The following SGSM2 variants were observed in gnomAD, a reference collection of about 807,000 sequenced individuals.
The protein encoded by SGSM2 is RUN and TBC1 domain containing 1.
Under a neutral mutation model 126.6 loss-of-function variants are expected in SGSM2, and 89 were observed. The ratio of observed to expected loss-of-function variants is 0.70; its 90% confidence interval spans 0.59 to 0.84. The LOEUF is 0.84. Among genes scored for constraint, SGSM2 ranks in the 40% least tolerant of loss-of-function variants. The probability of loss-of-function intolerance (pLI) is 0.00; values close to 1 mark genes in which losing one functional copy is unlikely to be tolerated. For missense variants in SGSM2, 1,404 were observed against 1,416.6 expected, an observed-to-expected ratio of 0.99 and a Z score of 0.14; for synonymous variants, 614 against 574.3, an observed-to-expected ratio of 1.07 and a Z score of -0.99.
At chr17:2,370,525 G>A (rs1051693122) in intron 12 of SGSM2, among the ~76,000 whole-genome samples, 9 of 152,264 alleles carry the variant, frequency 5.9e-5, no homozygotes, top group Admixed American at 1.3e-4. Context: ...TCCCGGCCCC[G>A]CAGTGGCCTC....
rs528873250 is a variant in SGSM2, at chr17:2,345,950, T to C, written c.133+2330T>C. Among the ~76,000 whole-genome samples, 11 of 152,214 alleles carry C rather than the reference T, an allele frequency of 7.2e-5. No homozygotes were observed. In the South Asian group the frequency reaches 2.1e-3, roughly 29 times the overall value. On this transcript the variant is annotated intron_variant, in intron 2 of 23. Transcript: ENST00000268989. ...AAAGCAGCTTCCTTGCATTGCATGGTGGAATCACGAGAGACTCTTGCGGGG... is the reference window on the plus strand; with the variant it reads ...AAAGCAGCTTCCTTGCATTGCATGGCGGAATCACGAGAGACTCTTGCGGGG...
intron 11 of SGSM2, 23 bp downstream of exon 11, chr17:2,365,364 CG>C: frequency 1.3e-6 from 2 of 1,517,808 alleles, no homozygotes; most frequent in Admixed American, 2.1e-5. Flanking sequence ...AGCTTCATCC[CG>C]GGGGAGGAGA....
At chr17:2,343,822 A>AT (rs2151479205) in intron 2 of SGSM2, among the ~76,000 whole-genome samples, 1 of 152,194 alleles carries the variant, frequency 6.6e-6, no homozygotes, top group Non-Finnish European at 1.5e-5. Context: ...GAATCTGCGT[A>AT]TTTTTTGTTC....
Position 2,380,409 on chromosome 17 carries a change from C to T in SGSM2, c.*889C>T. 9.2e-7 allele frequency: 1 copy of T among 1,086,776 alleles called. No individual in the cohort carries two copies. Among genetic ancestry groups the T allele is most frequent in the Non-Finnish European group, 1.4e-6 (1 of 740,052 alleles). 67.3% of individuals were successfully genotyped at this position (1,086,776 alleles called of 1,614,324 possible). On this transcript the variant is annotated 3_prime_UTR_variant, in exon 24 of 24. Transcript: ENST00000268989. ...ACAGCCTCCCCTCAGAGACAGGCCT[C>T]AGTTCGAGGGCAGCCCATTATCTGT...
In SGSM2 at chr17:2,363,796, G is replaced by C; in HGVS notation, c.807+197G>C. On this transcript the variant is annotated intron_variant, in intron 7 of 23. Coordinates refer to ENST00000268989, the MANE Select transcript of SGSM2 (RefSeq NM_014853.3). This position sits in a 1 kb window ranked among gnomAD's most constrained non-coding sequence, Gnocchi z 4.2. The stretch of plus-strand genomic sequence containing the variant: ...CAGGGGACAGGAATGGCAGCCAGCA[G>C]GCGAGGGGAGTCCGCAGTGTGGGTA... The C allele has an allele frequency of 6.7e-6, 6 of 892,098 alleles. No homozygotes were observed. In the South Asian group the frequency reaches 1.0e-4, roughly 16 times the overall value. The allele number at this position is 892,098 out of a possible 1,614,324, so 55.3% of individuals were successfully genotyped here. A position where few individuals can be genotyped will look rare whatever the true frequency, so the allele number is the denominator to read the frequency against.
intron 21 of SGSM2, chr17:2,377,498 A>AAACGAAAAAAAAGAAAAAAAAAAAAC (rs1597398429): frequency 5.8e-5 from 11 of 188,080 alleles, no homozygotes; most frequent in South Asian, 2.2e-4. Flanking sequence ...AAAAAAAAAA[A>AAACGAAAAAAAAGAAAAAAAAAAAAC]AACCATGGTT....
At chr17:2,361,976 C>A in intron 3 of SGSM2, 133 bp from the exon 4 acceptor site, 1 of 1,329,998 alleles carries the variant, frequency 7.5e-7, no homozygotes, top group Non-Finnish European at 1.0e-6. Context: ...GGCTCTGTAC[C>A]CCTCCTTCAC....
rs1346208652 is a variant in SGSM2 at position 2,362,399 on chromosome 17, G to C, written c.458+129G>C. 1 of 1,040,732 alleles carries C rather than the reference G, an allele frequency of 9.6e-7. No individual in the cohort carries two copies. Among genetic ancestry groups the C allele is most frequent in the South Asian group, 1.6e-5 (1 of 61,094 alleles). 64.5% of individuals were successfully genotyped at this position (1,040,732 alleles called of 1,614,324 possible). On this transcript the variant is annotated intron_variant, in intron 4 of 23. Coordinates refer to ENST00000268989, the MANE Select transcript of SGSM2 (RefSeq NM_014853.3). The surrounding 1 kb of genome is among the most constrained non-coding windows in gnomAD (Gnocchi z 4.9). ...CCCAAAAACTGCAGGTGACCGCCCC[G>C]TTCCCCCCAAAACTGCAGGTGACCG...
rs1330716740 is a variant in SGSM2 at position 2,373,029 on chromosome 17, C to T, written c.1865C>T (p.Pro622Leu). The T allele has an allele frequency of 6.2e-7, 1 of 1,606,480 alleles. No individual in the cohort carries two copies. Among genetic ancestry groups the T allele is most frequent in the African/African-American group, 1.3e-5 (1 of 74,592 alleles). ...CACGAGATCCGCAAGGACGTCTGGC[C>T]CTTTCTGCTTGGCCACTACAAGTTC... ...IEHEIRKDVW[P>L]FLLGHYKFGM... The change falls in exon 16 of 24, where the codon CCC becomes CTC. Residue 622 changes from proline to leucine, a missense_variant. Physicochemically the swap from Pro to Leu is moderately conservative, Grantham distance 98. Coordinates refer to ENST00000268989, the MANE Select transcript of SGSM2 (RefSeq NM_014853.3).
rs1043770615 is a variant in SGSM2, at chr17:2,337,588, C to A, written c.-101C>A. On this transcript the variant is annotated 5_prime_UTR_variant, in exon 1 of 24. Transcript: ENST00000268989. The surrounding 1 kb of genome is among the most constrained non-coding windows in gnomAD (Gnocchi z 5.1). ...GGCGGCGGGCCGGGAGCGCGGCGGGCGGGGGCTCCGCCTTGCGCGTGGGGC... is the reference window on the plus strand; with the variant it reads ...GGCGGCGGGCCGGGAGCGCGGCGGGAGGGGGCTCCGCCTTGCGCGTGGGGC... The A allele has an allele frequency of 9.3e-6, 7 of 756,658 alleles. No homozygotes were observed. The highest frequency in any genetic ancestry group is 3.8e-5 in the African/African-American group (2 of 52,272). The allele number at this position is 756,658 out of a possible 1,614,324, so 46.9% of individuals were successfully genotyped here. A position where few individuals can be genotyped will look rare whatever the true frequency, so the allele number is the denominator to read the frequency against.
At chr17:2,364,305 G>A in intron 8 of SGSM2, 122 bp downstream of exon 8, 1 of 1,283,464 alleles carries the variant, frequency 7.8e-7, no homozygotes, top group Non-Finnish European at 1.1e-6. Context: ...TGGACGCCAA[G>A]AATAGCAGGG....
intron 2 of SGSM2, among the ~76,000 whole-genome samples, chr17:2,354,979 T>G (rs1597336606): frequency 2.8e-5 from 2 of 70,652 alleles, no homozygotes; most frequent in Admixed American, 1.4e-4. Flanking sequence ...GGAATCGGGG[T>G]GTAAGGGTTG....
rs147158590 is a variant in SGSM2 at position 2,370,866 on chromosome 17, G to A, written c.1424-396G>A. Reference sequence around the variant, plus strand: ...CATCTCAGAGTTTGCCAAGAGGACCGAGCTGAATCCGTGAAGGCTGAGCTA... The same window carrying A: ...CATCTCAGAGTTTGCCAAGAGGACCAAGCTGAATCCGTGAAGGCTGAGCTA... On this transcript the variant is annotated intron_variant, in intron 12 of 23. Transcript: ENST00000268989. 4.7e-3 allele frequency among the ~76,000 whole-genome samples: 720 copies of A among 152,324 alleles called. 4 individuals carry two copies. The highest frequency in any genetic ancestry group is 7.8e-3 in the Non-Finnish European group (534 of 68,028).
Position 2,380,616 on chromosome 17 carries a change from T to C in SGSM2, c.*1096T>C. 2.3e-6 allele frequency: 1 copy of C among 434,056 alleles called. No homozygotes were observed. The highest frequency in any genetic ancestry group is 2.3e-5 in the South Asian group (1 of 43,564). 26.9% of individuals were successfully genotyped at this position (434,056 alleles called of 1,614,324 possible). On this transcript the variant is annotated 3_prime_UTR_variant, in exon 24 of 24. Coordinates refer to ENST00000268989, the MANE Select transcript of SGSM2 (RefSeq NM_014853.3). Reference sequence around the variant, plus strand: ...GTATGCGGGGGTGCCAGGAAGGGCATAGCTCCTGCCCCCAGGCCTAGGCAT... The same window carrying C: ...GTATGCGGGGGTGCCAGGAAGGGCACAGCTCCTGCCCCCAGGCCTAGGCAT...
intron 13 of SGSM2, 31 bp downstream of exon 13, chr17:2,371,446 C>T (rs769547980): frequency 2.4e-5 from 37 of 1,560,392 alleles, no homozygotes; most frequent in South Asian, 1.3e-4. Flanking sequence ...CCCAGCTTCC[C>T]GTTAGCGTGT....
At chr17:2,339,092 A>G (rs914728991) in intron 1 of SGSM2, among the ~76,000 whole-genome samples, 1 of 151,286 alleles carries the variant, frequency 6.6e-6, no homozygotes, top group Non-Finnish European at 1.5e-5. Flanking sequence ...CTGAGCCGTA[A>G]TTAGAGTTTC....
Position 2,372,868 on chromosome 17 carries a change from GC to G in SGSM2, c.1789-82del. On this transcript the variant is annotated intron_variant, in intron 15 of 23. Coordinates refer to ENST00000268989, the MANE Select transcript of SGSM2 (RefSeq NM_014853.3). The surrounding 1 kb of genome is among the most constrained non-coding windows in gnomAD (Gnocchi z 6.0). Reference sequence around the variant, plus strand: ...AGCAGTCACTACAGGCCCCGCCCCAGCCCATTCTCCGTGGGATGGGGCTCAC... The same window carrying G: ...AGCAGTCACTACAGGCCCCGCCCCAGCCATTCTCCGTGGGATGGGGCTCAC... The G allele has an allele frequency of 6.6e-7, 1 of 1,504,236 alleles. No individual in the cohort carries two copies. Among genetic ancestry groups the G allele is most frequent in the Non-Finnish European group, 8.9e-7 (1 of 1,118,842 alleles). 93.2% of individuals were successfully genotyped at this position (1,504,236 alleles called of 1,614,324 possible). A position where few individuals can be genotyped will look rare whatever the true frequency, so the allele number is the denominator to read the frequency against.
intron 2 of SGSM2, among the ~76,000 whole-genome samples, chr17:2,358,734 T>C (rs2065181153): frequency 6.6e-6 from 1 of 151,988 alleles, no homozygotes; most frequent in South Asian, 2.1e-4. Flanking sequence ...TTCTTAATCT[T>C]TTTTGGGTCA....
rs935362198 is a variant in SGSM2, at chr17:2,380,626, C to T, written c.*1106C>T. 1 of 429,548 alleles carries T rather than the reference C, an allele frequency of 2.3e-6. No individual in the cohort carries two copies. The highest frequency in any genetic ancestry group is 4.3e-6 in the Non-Finnish European group (1 of 232,642). 26.6% of individuals were successfully genotyped at this position (429,548 alleles called of 1,614,324 possible). The stretch of plus-strand genomic sequence containing the variant: ...GTGCCAGGAAGGGCATAGCTCCTGC[C>T]CCCAGGCCTAGGCATGCTGCTTGCT... On this transcript the variant is annotated 3_prime_UTR_variant, in exon 24 of 24. Transcript: ENST00000268989.
Sources: gnomAD v4.1 joint callset for allele counts (sites outside exome capture counted in the v4.1 genomes callset) on GRCh38, gnomAD v4.1.1 for gene constraint, Gnocchi (gnomAD v3.1) non-coding constraint, MANE v1.5 for transcripts, NCBI Gene and HGNC (gene_info 2026-07-23, HGNC 2026-07-21) for gene names.